Variants in EFCAB13 observed in about 807,000 individuals in gnomAD.
EFCAB13 encodes the protein EF-hand calcium binding domain 13.
In EFCAB13, 91 loss-of-function variants were observed where a neutral mutation model predicts 110.2. The ratio of observed to expected loss-of-function variants is 0.83; its 90% CI spans 0.70 to 0.98. EFCAB13 has a LOEUF of 0.98. Among genes scored for constraint, EFCAB13 ranks in the 50% least tolerant of loss-of-function variants. EFCAB13 has a pLI of 0.00. For missense variants in EFCAB13, 968 were observed against 1,119.4 expected (o/e 0.86, Z 1.93); for synonymous variants, 323 against 369.9 (o/e 0.87, Z 1.45).
intron 11 of EFCAB13, among the ~76,000 whole-genome samples, chr17:47,370,970 C>T (rs573983447): frequency 2.8e-4 from 43 of 151,206 alleles, no homozygotes; most frequent in Non-Finnish European, 5.2e-4. Context: ...GAACTCCTGA[C>T]CTCAGGTGAT....
At chr17:47,338,655 T>C (rs1294066400) in intron 5 of EFCAB13, among the ~76,000 whole-genome samples, 2 of 152,188 alleles carry the variant, frequency 1.3e-5, no homozygotes, top group East Asian at 3.8e-4. Flanking sequence ...GCACCTCTTA[T>C]CTCTGTATAT....
chr17:47,375,659 G>C (rs1352509124), intron 12 of EFCAB13, among the ~76,000 whole-genome samples: 4 of 152,104 alleles, frequency 2.6e-5, no homozygotes, highest in African/African-American at 4.8e-5. Context: ...TTCCTTTCCA[G>C]ATGCCCTCTT....
At chr17:47,399,680 CTAG>C (rs2065768655) in intron 17 of EFCAB13, among the ~76,000 whole-genome samples, 1 of 151,792 alleles carries the variant, frequency 6.6e-6, no homozygotes, top group Non-Finnish European at 1.5e-5. Flanking sequence ...CAGATTCTCT[CTAG>C]TGAAATTGAA....
At chr17:47,348,851 C>T (rs141297697) in intron 9 of EFCAB13, among the ~76,000 whole-genome samples, 1 of 152,010 alleles carries the variant, frequency 6.6e-6, no homozygotes, top group Non-Finnish European at 1.5e-5. Flanking sequence ...TTATTCCATT[C>T]TGTTGCTTGT....
intron 12 of EFCAB13, 102 bp from the exon 13 acceptor site, chr17:47,377,664 A>G (rs1449049074): frequency 8.0e-6 from 8 of 1,004,434 alleles, no homozygotes; most frequent in African/African-American, 1.7e-5. Flanking sequence ...GGTAATATAA[A>G]ATAGATAAAA....
At chr17:47,382,124 A>C (rs1416941960) in intron 14 of EFCAB13, among the ~76,000 whole-genome samples, 1 of 152,122 alleles carries the variant, frequency 6.6e-6, no homozygotes, top group Non-Finnish European at 1.5e-5. Context: ...AGCAACTGTA[A>C]ATGGGAGTTC....
intron 5 of EFCAB13, 24 bp from the exon 6 acceptor site, chr17:47,341,896 TG>T (rs1257212561): frequency 3.9e-6 from 5 of 1,284,154 alleles, no homozygotes; most frequent in Non-Finnish European, 5.5e-6. Flanking sequence ...AATTCAAGAA[TG>T]ATTCCAATTT....
intron 14 of EFCAB13, among the ~76,000 whole-genome samples, chr17:47,384,660 A>T (rs1377954461): frequency 2.6e-5 from 4 of 152,160 alleles, no homozygotes; most frequent in Non-Finnish European, 5.9e-5. Context: ...AGAATGTTGA[A>T]TATTGGCCCC....
chr17:47,419,913 C>CCCCTCCCTCT (rs1904576290), intron 23 of EFCAB13, among the ~76,000 whole-genome samples: 1 of 149,390 alleles, frequency 6.7e-6, no homozygotes, highest in African/African-American at 2.5e-5. Flanking sequence ...TAAGAAATGT[C>CCCCTCCCTCT]CCCTCTCCCT....
intron 5 of EFCAB13, among the ~76,000 whole-genome samples, chr17:47,338,334 G>A (rs2065363470): frequency 6.6e-6 from 1 of 151,166 alleles, no homozygotes; most frequent in Non-Finnish European, 1.5e-5. Flanking sequence ...ATCGCAGCCT[G>A]GAACTCCTGG....
intron 24 of EFCAB13, chr17:47,430,706 T>C (rs948918330): frequency 1.3e-5 from 2 of 152,196 alleles, no homozygotes; most frequent in African/African-American, 4.8e-5. Context: ...CTTTTTGACA[T>C]CTGACATAGC....
At chr17:47,361,567 A>G (rs780143631) in intron 10 of EFCAB13, 46 bp downstream of exon 10, 66 of 1,479,560 alleles carry the variant, frequency 4.5e-5, no homozygotes, top group Non-Finnish European at 5.8e-5. Context: ...ATATGTGCAT[A>G]TATTTATACA....
chr17:47,420,704 C>T (rs367665977), intron 23 of EFCAB13, among the ~76,000 whole-genome samples: 3,874 of 24,778 alleles, frequency 0.16, 95 homozygotes, highest in East Asian at 0.44. Flanking sequence ...GGAGACCCTC[C>T]GCCCGGCAGC....
chr17:47,328,624 C>T (rs527445687), intron 4 of EFCAB13, among the ~76,000 whole-genome samples: 11 of 152,114 alleles, frequency 7.2e-5, no homozygotes, highest in African/African-American at 2.2e-4. Flanking sequence ...TGGTGGGGTA[C>T]GGACCTGGAT....
intron 14 of EFCAB13, among the ~76,000 whole-genome samples, chr17:47,381,267 G>A (rs1427496163): frequency 2.6e-5 from 4 of 151,980 alleles, no homozygotes; most frequent in Non-Finnish European, 5.9e-5. Context: ...TTTGTCAGGT[G>A]GATAGGTTGC....
At chr17:47,429,985 C>T in intron 24 of EFCAB13, 24 bp downstream of exon 24, 2 of 1,563,350 alleles carry the variant, frequency 1.3e-6, no homozygotes, top group Non-Finnish European at 1.7e-6. Flanking sequence ...ATGCGTCTAT[C>T]TTATAAGGAC....
At chr17:47,392,704 G>C (rs1271010666) in intron 15 of EFCAB13, among the ~76,000 whole-genome samples, 7 of 152,178 alleles carry the variant, frequency 4.6e-5, no homozygotes, top group Non-Finnish European at 1.0e-4. Context: ...GGAAAGAATA[G>C]TTAGATCCCT....
At chr17:47,395,005 C>T (rs181874135) in intron 16 of EFCAB13, among the ~76,000 whole-genome samples, 22 of 152,026 alleles carry the variant, frequency 1.4e-4, no homozygotes, top group Middle Eastern at 3.4e-3. Flanking sequence ...TTCCATATAC[C>T]TCATTGGGAC....
At chr17:47,353,502 G>A (rs563692609) in intron 9 of EFCAB13, among the ~76,000 whole-genome samples, 1 of 152,012 alleles carries the variant, frequency 6.6e-6, no homozygotes, top group Admixed American at 6.6e-5. Context: ...TACCATGTTG[G>A]CCAGGCTGAT....
Sources: gnomAD v4.1 joint callset for allele counts (sites outside exome capture counted in the v4.1 genomes callset) on GRCh38, gnomAD v4.1.1 for gene constraint, MANE v1.5 for transcripts, NCBI Gene and HGNC (gene_info 2026-07-23, HGNC 2026-07-21) for gene names.